The following TENM1 variants were observed in gnomAD, a reference collection of about 807,000 sequenced individuals.
TENM1 encodes teneurin transmembrane protein 1, also known as teneurin-1.
A neutral mutation model predicts 174.8 loss-of-function variants in TENM1; 35 were observed. The ratio of observed to expected loss-of-function variants is 0.20; its 90% confidence interval spans 0.15 to 0.27. TENM1 has a LOEUF of 0.27. TENM1 is among the 10% of genes least tolerant of loss of function. TENM1 has a pLI of 1.00. For synonymous variants in TENM1, 781 were observed against 798.7 expected, an observed-to-expected ratio of 0.98 and a Z score of 0.37; for missense variants, 1,633 against 2,130.1, an observed-to-expected ratio of 0.77 and a Z score of 4.59.
intron 21 of TENM1, among the ~76,000 whole-genome samples, chrX:124,483,479 C>G (rs755663958): frequency 2.7e-5 from 3 of 111,764 alleles, no homozygotes; most frequent in African/African-American, 9.7e-5. Flanking sequence ...TTCTTTTCTA[C>G]TTCCTTCTTT....
the TENM1 span, among the ~76,000 whole-genome samples, chrX:125,141,907 T>C: frequency 9.0e-6 from 1 of 111,291 alleles, no homozygotes; most frequent in Non-Finnish European, 1.9e-5. Flanking sequence ...ACCCAGACCC[T>C]CCACTTCCTA....
At chrX:124,749,224 T>C (rs949175314) in intron 3 of TENM1, among the ~76,000 whole-genome samples, 5 of 111,748 alleles carry the variant, frequency 4.5e-5, no homozygotes, top group African/African-American at 1.6e-4. Flanking sequence ...GCTTCTTTAT[T>C]ATGCTGCAAG....
At chrX:124,555,305 C>A (rs2048670450) in intron 14 of TENM1, among the ~76,000 whole-genome samples, 2 of 111,594 alleles carry the variant, frequency 1.8e-5, no homozygotes, top group South Asian at 3.8e-4. Context: ...TCATGTGAGG[C>A]CTCTCTCACC....
the TENM1 span, among the ~76,000 whole-genome samples, chrX:125,106,989 C>T: frequency 1.8e-5 from 2 of 111,893 alleles, no homozygotes; most frequent in Non-Finnish European, 3.8e-5. Flanking sequence ...CTAGCCTGGA[C>T]ATCAGTGCAA....
chrX:124,468,455 C>T (rs1416263455), intron 22 of TENM1, among the ~76,000 whole-genome samples: 4 of 112,398 alleles, frequency 3.6e-5, no homozygotes, highest in Non-Finnish European at 7.5e-5. Context: ...GGATTACAGG[C>T]GTCAGCCACC....
chrX:124,635,317 A>G (rs938074611), intron 11 of TENM1, among the ~76,000 whole-genome samples: 5 of 112,515 alleles, frequency 4.4e-5, no homozygotes, highest in African/African-American at 1.6e-4. Context: ...CAAGGTGGAC[A>G]CATGTCATAG....
chrX:125,079,037 C>T, the TENM1 span, among the ~76,000 whole-genome samples: 176 of 111,730 alleles, frequency 1.6e-3, no homozygotes, highest in Non-Finnish European at 2.5e-3. Context: ...GGAGCACCGT[C>T]AGGATTCAAA....
chrX:124,463,680 A>G (rs1455412576), intron 22 of TENM1, among the ~76,000 whole-genome samples: 1 of 111,555 alleles, frequency 9.0e-6, no homozygotes, highest in Non-Finnish European at 1.9e-5. Context: ...AGATGGTTAA[A>G]GTTTCCGTAC....
the TENM1 span, among the ~76,000 whole-genome samples, chrX:125,080,366 T>C: frequency 1.8e-5 from 2 of 111,722 alleles, no homozygotes; most frequent in African/African-American, 6.5e-5. Flanking sequence ...CTTGGTCCTT[T>C]GGGAGGAAAT....
At chrX:124,646,469 T>C (rs752935979) in intron 9 of TENM1, among the ~76,000 whole-genome samples, 8 of 112,218 alleles carry the variant, frequency 7.1e-5, no homozygotes, top group Non-Finnish European at 1.1e-4. Flanking sequence ...AAAAATTGGA[T>C]AATAGCAGAC....
intron 1 of TENM1, among the ~76,000 whole-genome samples, chrX:124,899,029 C>T (rs1003419457): frequency 9.0e-6 from 1 of 110,754 alleles, no homozygotes; most frequent in African/African-American, 3.3e-5. Flanking sequence ...TTATAGTAAC[C>T]GATGTTTATT....
At chrX:124,605,870 G>T (rs1391578252) in intron 11 of TENM1, among the ~76,000 whole-genome samples, 1 of 111,531 alleles carries the variant, frequency 9.0e-6, no homozygotes, top group Non-Finnish European at 1.9e-5. Context: ...TTCTCATCTT[G>T]TTATTTTTGC....
chrX:124,500,996 G>A (rs747234784), intron 19 of TENM1, among the ~76,000 whole-genome samples: 1 of 111,279 alleles, frequency 9.0e-6, no homozygotes, highest in East Asian at 2.8e-4. Flanking sequence ...GCCTATTTTG[G>A]AGGATAAGTT....
chrX:124,917,029 A>G (rs1312522997), intron 1 of TENM1, among the ~76,000 whole-genome samples: 2 of 111,997 alleles, frequency 1.8e-5, no homozygotes, highest in Non-Finnish European at 3.8e-5. Flanking sequence ...TTGATATGGG[A>G]AATAAGCTAG....
intron 6 of TENM1, among the ~76,000 whole-genome samples, chrX:124,665,120 C>T (rs967889576): frequency 1.8e-5 from 2 of 111,525 alleles, no homozygotes; most frequent in African/African-American, 6.5e-5. Context: ...GGCAGATCAC[C>T]GGAGGTTGGG....
chrX:124,588,440 G>A (rs1312576845), intron 11 of TENM1, among the ~76,000 whole-genome samples: 2 of 107,971 alleles, frequency 1.9e-5, no homozygotes, highest in African/African-American at 6.8e-5. Flanking sequence ...CTACAGCAAG[G>A]ACAAAAAAAC....
chrX:124,740,590 G>C (rs1032721860), intron 3 of TENM1, among the ~76,000 whole-genome samples: 11 of 111,269 alleles, frequency 9.9e-5, no homozygotes, highest in Non-Finnish European at 1.9e-4. Flanking sequence ...TTCCCTGCTA[G>C]TTCATATTGT....
At chrX:124,896,070 G>A (rs1404427481) in exon 2 of TENM1, 1 of 1,209,673 alleles carries the variant, frequency 8.3e-7, no homozygotes, top group East Asian at 3.0e-5. Flanking sequence ...ACTATGCTCT[G>A]ATTTCATTCC....
At chrX:125,059,243 G>A in the TENM1 span, among the ~76,000 whole-genome samples, 1 of 111,301 alleles carries the variant, frequency 9.0e-6, no homozygotes, top group Non-Finnish European at 1.9e-5. Flanking sequence ...TTTATTTTTT[G>A]TGTGAATAGC....
Sources: allele counts gnomAD v4.1 joint callset (sites outside exome capture counted in the v4.1 genomes callset), GRCh38; gene constraint gnomAD v4.1.1; transcripts MANE v1.5; gene names NCBI Gene and HGNC (gene_info 2026-07-23, HGNC 2026-07-21).